Variants in KSR2 observed in about 807,000 individuals in gnomAD.
The protein encoded by KSR2 is kinase suppressor of ras 2.
KSR2 carries 25 observed loss-of-function variants against 107.8 expected under a neutral mutation model. The ratio of observed to expected loss-of-function variants is 0.23; its 90% CI spans 0.17 to 0.32. The LOEUF (loss-of-function observed/expected upper bound fraction) is 0.32. Ranked by LOEUF, KSR2 falls within the 10% of genes least tolerant of loss-of-function variation. The pLI is 1.00. For synonymous variants in KSR2, 480 were observed against 507.0 expected (o/e 0.95, Z 0.71); for missense variants, 887 against 1,268.9 (o/e 0.70, Z 4.57).
intron 1 of KSR2, among the ~76,000 whole-genome samples, chr12:117,911,791 AAACTCTCAATC>A (rs1895023887): frequency 1.3e-5 from 1 of 77,108 alleles, no homozygotes; most frequent in East Asian, 8.8e-4. Context: ...TGAGGATCGC[AAACTCTCAATC>A]GCTACAGGCA....
intron 4 of KSR2, among the ~76,000 whole-genome samples, chr12:117,681,796 A>G (rs1885374428): frequency 6.6e-6 from 1 of 152,210 alleles, no homozygotes; most frequent in South Asian, 2.1e-4. Flanking sequence ...GGGGAGAAAT[A>G]GAAACACTTT....
chr12:117,667,364 C>A, intron 5 of KSR2, 110 bp downstream of exon 5: 2 of 1,048,060 alleles, frequency 1.9e-6, no homozygotes, highest in Non-Finnish European at 2.8e-6. Context: ...TTTCACAAGC[C>A]CTTGAGATAA....
chr12:117,873,214 G>A (rs531052832), intron 1 of KSR2, among the ~76,000 whole-genome samples: 4 of 151,812 alleles, frequency 2.6e-5, no homozygotes, highest in Non-Finnish European at 5.9e-5. Flanking sequence ...GCATGGTGGC[G>A]CATGCCTGTA....
chr12:117,744,558 A>C (rs1888333717), intron 4 of KSR2, among the ~76,000 whole-genome samples: 1 of 152,178 alleles, frequency 6.6e-6, no homozygotes, highest in Non-Finnish European at 1.5e-5. Context: ...AAGATCTAGC[A>C]GAGAGGTTTT....
At chr12:117,591,435 G>A (rs2136268917) in intron 5 of KSR2, among the ~76,000 whole-genome samples, 1 of 152,204 alleles carries the variant, frequency 6.6e-6, no homozygotes, top group East Asian at 1.9e-4. Context: ...AGACCTGGGG[G>A]AGTCTTCTCT....
chr12:117,706,251 C>T (rs1886528282), intron 4 of KSR2, among the ~76,000 whole-genome samples: 1 of 151,720 alleles, frequency 6.6e-6, no homozygotes, highest in Non-Finnish European at 1.5e-5. Flanking sequence ...ACCATGTTGG[C>T]CAGGCTGGTC....
intron 5 of KSR2, among the ~76,000 whole-genome samples, chr12:117,612,114 G>GCA (rs1881635736): frequency 6.6e-6 from 1 of 152,144 alleles, no homozygotes; most frequent in African/African-American, 2.4e-5. Flanking sequence ...GGTTAAAGTG[G>GCA]TATATCTCAT....
intron 4 of KSR2, among the ~76,000 whole-genome samples, chr12:117,682,423 G>C (rs1301992879): frequency 1.4e-5 from 2 of 147,476 alleles, no homozygotes; most frequent in South Asian, 4.3e-4. Flanking sequence ...AGTTTTTTTT[G>C]TTTTTTTTTT....
At chr12:117,686,490 C>T (rs2136555194) in intron 4 of KSR2, among the ~76,000 whole-genome samples, 1 of 152,188 alleles carries the variant, frequency 6.6e-6, no homozygotes, top group African/African-American at 2.4e-5. Context: ...GAACCTGGTT[C>T]TGTCTGACCC....
At chr12:117,568,312 T>A (rs1424540615) in intron 7 of KSR2, among the ~76,000 whole-genome samples, 2 of 152,158 alleles carry the variant, frequency 1.3e-5, no homozygotes, top group African/African-American at 4.8e-5. Flanking sequence ...GAAAGGATGA[T>A]GGGAGCATGT....
intron 3 of KSR2, among the ~76,000 whole-genome samples, chr12:117,776,962 T>C (rs7309508): frequency 0.57 from 86,844 of 151,114 alleles, 26,635 homozygotes; most frequent in African/African-American, 0.78. Flanking sequence ...GCTGAACCAT[T>C]GCGACTAGGA....
chr12:117,595,816 T>TAGC (rs1005248484), intron 5 of KSR2, among the ~76,000 whole-genome samples: 1 of 152,210 alleles, frequency 6.6e-6, no homozygotes, highest in Admixed American at 6.5e-5. Context: ...TTGAAGAAAG[T>TAGC]AGCAGCAGCC....
intron 3 of KSR2, among the ~76,000 whole-genome samples, chr12:117,831,502 A>G (rs1247777685): frequency 1.3e-5 from 2 of 152,244 alleles, no homozygotes; most frequent in Non-Finnish European, 2.9e-5. Context: ...CAGCTTGGGA[A>G]AATGAAGTCA....
At chr12:117,528,834 A>G (rs1352317355) in intron 12 of KSR2, among the ~76,000 whole-genome samples, 1 of 152,230 alleles carries the variant, frequency 6.6e-6, no homozygotes. Context: ...TTCCTTCTGC[A>G]AAGAGTTGTC....
intron 12 of KSR2, among the ~76,000 whole-genome samples, chr12:117,527,948 CAA>C (rs1006964032): frequency 2.4e-5 from 3 of 122,754 alleles, no homozygotes; most frequent in East Asian, 2.6e-4. Context: ...CTGGAAGACA[CAA>C]GTGTGTGTGT....
chr12:117,676,335 G>C (rs1379454318), intron 4 of KSR2, among the ~76,000 whole-genome samples: 3 of 152,186 alleles, frequency 2.0e-5, no homozygotes, highest in Non-Finnish European at 4.4e-5. Context: ...CCCCAAGTGT[G>C]GAGGAATACG....
chr12:117,636,498 C>A (rs1883083057), intron 5 of KSR2, among the ~76,000 whole-genome samples: 1 of 151,924 alleles, frequency 6.6e-6, no homozygotes, highest in Non-Finnish European at 1.5e-5. Context: ...ATAGGGAGTA[C>A]AGAAACAGTC....
chr12:117,966,228 C>T (rs998109237), intron 1 of KSR2, among the ~76,000 whole-genome samples: 5 of 152,060 alleles, frequency 3.3e-5, no homozygotes, highest in Non-Finnish European at 7.4e-5. Context: ...AAGAAAACTT[C>T]GAAGAAACTT....
chr12:117,628,982 G>A (rs1277840167), intron 5 of KSR2, among the ~76,000 whole-genome samples: 1 of 152,250 alleles, frequency 6.6e-6, no homozygotes, highest in East Asian at 1.9e-4. Flanking sequence ...AGTGAGCAAG[G>A]CTCCATGGGC....
Sources: gnomAD v4.1 joint callset for allele counts (sites outside exome capture counted in the v4.1 genomes callset) on GRCh38, gnomAD v4.1.1 for gene constraint, MANE v1.5 for transcripts, NCBI Gene and HGNC (gene_info 2026-07-23, HGNC 2026-07-21) for gene names.